The following NCAM1 variants were observed in gnomAD, a reference collection of about 807,000 sequenced individuals.
The protein encoded by NCAM1 is neural cell adhesion molecule 1.
Under a neutral mutation model 109.8 loss-of-function variants are expected in NCAM1, and 14 were observed. The ratio of observed to expected loss-of-function variants is 0.13; its 90% CI spans 0.08 to 0.20. NCAM1 has a LOEUF of 0.20. Among genes scored for constraint, NCAM1 ranks in the 10% least tolerant of loss-of-function variants. NCAM1 has a pLI of 1.00. For missense variants in NCAM1, 774 were observed against 1,109.9 expected (o/e 0.70, Z 4.30); for synonymous variants, 418 against 442.9 (o/e 0.94, Z 0.70).
intron 1 of NCAM1, among the ~76,000 whole-genome samples, chr11:113,126,636 G>A (rs933844815): frequency 3.3e-5 from 5 of 152,138 alleles, no homozygotes; most frequent in African/African-American, 1.2e-4. Flanking sequence ...AAATTATCGA[G>A]TTTCTCTTGT....
chr11:112,993,699 T>C (rs1555070928), intron 1 of NCAM1, among the ~76,000 whole-genome samples: 3 of 152,242 alleles, frequency 2.0e-5, no homozygotes, highest in African/African-American at 7.2e-5. Flanking sequence ...TCAGTGATTA[T>C]AGTTTAAAAA....
intron 1 of NCAM1, among the ~76,000 whole-genome samples, chr11:113,195,542 G>A (rs1170310585): frequency 5.1e-5 from 6 of 116,682 alleles, no homozygotes; most frequent in East Asian, 2.8e-4. Flanking sequence ...TCGCTTTGTC[G>A]CCCAGACTGG....
intron 1 of NCAM1, among the ~76,000 whole-genome samples, chr11:113,003,427 G>A (rs1243311296): frequency 1.3e-5 from 2 of 152,166 alleles, no homozygotes; most frequent in Non-Finnish European, 2.9e-5. Context: ...TGTGTTGTGT[G>A]GCAGAAACAC....
intron 15 of NCAM1, 151 bp from the exon 16 acceptor site, chr11:113,255,726 T>C (rs146604267): frequency 2.1e-5 from 18 of 867,226 alleles, no homozygotes; most frequent in Non-Finnish European, 3.1e-5. Context: ...CTACCTGGAA[T>C]TCAGTTTTAT....
At chr11:113,250,715 G>A (rs978852697) in intron 15 of NCAM1, among the ~76,000 whole-genome samples, 12 of 152,208 alleles carry the variant, frequency 7.9e-5, no homozygotes, top group Admixed American at 6.5e-5. Flanking sequence ...ACAGGTTTAC[G>A]CTCAGACACC....
chr11:113,054,404 A>G (rs1555082231), intron 1 of NCAM1, among the ~76,000 whole-genome samples: 2 of 152,166 alleles, frequency 1.3e-5, no homozygotes, highest in African/African-American at 4.8e-5. Context: ...GCCTTACCTG[A>G]GGCATTAGCC....
At chr11:113,144,060 G>A (rs949099415) in intron 1 of NCAM1, among the ~76,000 whole-genome samples, 2 of 152,178 alleles carry the variant, frequency 1.3e-5, no homozygotes, top group Non-Finnish European at 1.5e-5. Context: ...GTCCCAGTGT[G>A]TGCGTGTTAC....
chr11:113,233,015 C>T lies in NCAM1; in HGVS notation c.1523-132C>T, dbSNP rs1457457009. 1.1e-5 allele frequency: 11 copies of T among 1,019,410 alleles called. No individual in the cohort carries two copies. Among genetic ancestry groups the T allele is most frequent in the Non-Finnish European group, 1.3e-5 (9 of 693,806 alleles). The allele number at this position is 1,019,410 out of a possible 1,614,324, so 63.1% of individuals were successfully genotyped here. A position where few individuals can be genotyped will look rare whatever the true frequency, so the allele number is the denominator to read the frequency against. ...GGGAGAAGCATCTGGTGAGATGGGC[C>T]AGGAGGACAGGATACAGTGACAGGA... On this transcript the variant is annotated intron_variant, in intron 12 of 19. Transcript: ENST00000316851. This position sits in a 1 kb window ranked among gnomAD's most constrained non-coding sequence, Gnocchi z 4.5.
chr11:113,241,096 G>A (rs1225933440), intron 14 of NCAM1, among the ~76,000 whole-genome samples: 1 of 152,190 alleles, frequency 6.6e-6, no homozygotes, highest in Non-Finnish European at 1.5e-5. Flanking sequence ...CAAGGCTGCC[G>A]CCCTGGGGCC....
chr11:113,192,667 A>T (rs1943720439), intron 1 of NCAM1, among the ~76,000 whole-genome samples: 1 of 152,174 alleles, frequency 6.6e-6, no homozygotes, highest in Non-Finnish European at 1.5e-5. Flanking sequence ...AGAAATAACT[A>T]CTGAGGACAC....
intron 1 of NCAM1, among the ~76,000 whole-genome samples, chr11:112,983,493 A>G (rs2134708231): frequency 6.6e-6 from 1 of 152,038 alleles, no homozygotes; most frequent in Non-Finnish European, 1.5e-5. Flanking sequence ...CCATCCTAGA[A>G]AAGTTTTAAG....
chr11:113,111,751 A>C (rs1258885918), intron 1 of NCAM1, among the ~76,000 whole-genome samples: 1 of 151,044 alleles, frequency 6.6e-6, no homozygotes, highest in Non-Finnish European at 1.5e-5. Flanking sequence ...ATCCATTACA[A>C]ATATGTATCA....
At position 113,231,768 on chromosome 11, in the gene NCAM1, T is replaced by G. The variant is rs1555117294; in HGVS notation, c.1213T>G (p.Ser405Ala). The G allele has an allele frequency of 1.2e-6, 2 of 1,613,820 alleles. No homozygotes were observed. Among genetic ancestry groups the G allele is most frequent in the Non-Finnish European group, 1.7e-6 (2 of 1,179,862 alleles). ...CTASNTIGQD[S>A]QSMYLEVQYA... Reference sequence around the variant, plus strand: ...CGCCAGCAACACCATCGGCCAGGACTCCCAGTCCATGTACCTTGAAGTGCA... The same window carrying G: ...CGCCAGCAACACCATCGGCCAGGACGCCCAGTCCATGTACCTTGAAGTGCA... Residue 405 changes from serine (S) to alanine (A), a missense_variant, in exon 10 of 20, where the codon TCC becomes GCC. Physicochemically the swap from Ser to Ala is moderately conservative, Grantham distance 99. Transcript: ENST00000316851.
intron 1 of NCAM1, 37 bp from the exon 2 acceptor site, chr11:113,202,342 G>GTTTTTTGTTTTGTTT: frequency 8.8e-7 from 1 of 1,142,120 alleles, no homozygotes; most frequent in Non-Finnish European, 1.2e-6. Flanking sequence ...GTTTTTTTTT[G>GTTTTTTGTTTTGTTT]TTTTTTGTTT....
intron 1 of NCAM1, among the ~76,000 whole-genome samples, chr11:113,030,711 G>A (rs527314617): frequency 4.8e-4 from 73 of 152,224 alleles, no homozygotes; most frequent in African/African-American, 1.7e-3. Flanking sequence ...GGTATACAAA[G>A]TAGTACTTGA....
chr11:113,254,280 A>T (rs1416930089), intron 15 of NCAM1, among the ~76,000 whole-genome samples: 1 of 152,226 alleles, frequency 6.6e-6, no homozygotes, highest in African/African-American at 2.4e-5. Context: ...CCTGAAGTCC[A>T]TTCATCTTTT....
chr11:113,107,335 T>C (rs1315792019), intron 1 of NCAM1, among the ~76,000 whole-genome samples: 4 of 152,214 alleles, frequency 2.6e-5, no homozygotes, highest in Non-Finnish European at 5.9e-5. Context: ...GAGAATTAAA[T>C]GAAATAATAT....
rs1207537970 is a variant in NCAM1 at position 112,965,202 on chromosome 11, T to G, written c.52+3538T>G. On this transcript the variant is annotated intron_variant, in intron 1 of 19. Transcript: ENST00000316851. ...TATGTTGATTTAACTGGTGACTGGT[T>G]TCTTGAGTTTGATAGTTCAAGAATT... 2.6e-5 allele frequency among the ~76,000 whole-genome samples: 4 copies of G among 152,166 alleles called. No individual in the cohort carries two copies. In the South Asian group the frequency reaches 8.3e-4, roughly 32 times the overall value.
intron 1 of NCAM1, among the ~76,000 whole-genome samples, chr11:113,000,817 C>CATATATAT (rs375984527): frequency 0.011 from 1,438 of 129,166 alleles, 27 homozygotes; most frequent in African/African-American, 0.034. Context: ...ATTATATATA[C>CATATATAT]ATATATATAT....
Sources: gnomAD v4.1 joint callset for allele counts (sites outside exome capture counted in the v4.1 genomes callset) on GRCh38, gnomAD v4.1.1 for gene constraint, Gnocchi (gnomAD v3.1) non-coding constraint, MANE v1.5 for transcripts, NCBI Gene and HGNC (gene_info 2026-07-23, HGNC 2026-07-21) for gene names.